RYR2: variants seen among roughly 807,000 people sequenced by gnomAD.
RYR2 encodes ryanodine receptor 2, also known as cardiac muscle ryanodine receptor-calcium release channel.
Under a neutral mutation model 601.1 loss-of-function variants are expected in RYR2, and 227 were observed. That is an observed-to-expected ratio of 0.38 (90% CI 0.34 to 0.42). RYR2 has a LOEUF of 0.42. RYR2 is among the 10% of genes least tolerant of loss of function. The probability of loss-of-function intolerance (pLI) is 1.00; values close to 1 mark genes in which losing one functional copy is unlikely to be tolerated. For missense variants in RYR2, 4,646 were observed against 6,156.5 expected (o/e 0.75, Z 8.21); for synonymous variants, 2,223 against 2,175.1 (o/e 1.02, Z -0.61).
intron 17 of RYR2, among the ~76,000 whole-genome samples, chr1:237,479,090 G>T (rs958229190): frequency 6.6e-6 from 1 of 152,176 alleles, no homozygotes; most frequent in Non-Finnish European, 1.5e-5. Flanking sequence ...TGCAGGCTTA[G>T]TGGCGAATGA....
intron 40 of RYR2, 124 bp from the exon 41 acceptor site, chr1:237,627,683 A>C (rs1679822149): frequency 1.1e-6 from 1 of 937,416 alleles, no homozygotes; most frequent in East Asian, 2.7e-5. Context: ...GAATATCTAG[A>C]GCCTTTTCAA....
intron 35 of RYR2, among the ~76,000 whole-genome samples, chr1:237,603,140 C>A (rs79373028): frequency 0.21 from 31,508 of 152,074 alleles, 3,854 homozygotes; most frequent in South Asian, 0.38. Context: ...AGCCAAATGC[C>A]TAGTCATCTA....
chr1:237,608,513 C>T (rs1677408777), intron 35 of RYR2, among the ~76,000 whole-genome samples: 1 of 152,190 alleles, frequency 6.6e-6, no homozygotes, highest in South Asian at 2.1e-4. Context: ...GCTTGGGCAA[C>T]ATAGTGAGAC....
intron 36 of RYR2, among the ~76,000 whole-genome samples, chr1:237,611,490 G>C (rs1001748569): frequency 2.0e-5 from 3 of 152,124 alleles, no homozygotes; most frequent in African/African-American, 7.2e-5. Context: ...ATGCATTCTA[G>C]GCAGTAATAA....
chr1:237,460,341 A>G (rs1156789412), intron 16 of RYR2, among the ~76,000 whole-genome samples: 2 of 152,168 alleles, frequency 1.3e-5, no homozygotes, highest in Non-Finnish European at 2.9e-5. Context: ...AAGAGTAGGG[A>G]AATTTTACCA....
chr1:237,370,727 C>G (rs977006984), intron 6 of RYR2, among the ~76,000 whole-genome samples: 28 of 146,790 alleles, frequency 1.9e-4, no homozygotes, highest in African/African-American at 6.6e-4. Context: ...GTGGCGCGAT[C>G]TCGGCTCACT....
At chr1:237,212,771 GTTA>G (rs35584787) in intron 1 of RYR2, among the ~76,000 whole-genome samples, 4 of 151,308 alleles carry the variant, frequency 2.6e-5, no homozygotes, top group Admixed American at 6.6e-5. Flanking sequence ...ACCATGATTG[GTTA>G]TTATTATTAT....
At chr1:237,509,230 G>T (rs545621027) in intron 23 of RYR2, among the ~76,000 whole-genome samples, 1 of 152,134 alleles carries the variant, frequency 6.6e-6, no homozygotes, top group African/African-American at 2.4e-5. Flanking sequence ...GGTGCAGGAG[G>T]TGTTCTCTCA....
At chr1:237,674,953 A>G (rs1473167495) in intron 60 of RYR2, 107 bp downstream of exon 60, 1 of 560,958 alleles carries the variant, frequency 1.8e-6, no homozygotes. Context: ...GTGATGGTAT[A>G]AACCCATCTA....
intron 88 of RYR2, 92 bp downstream of exon 88, chr1:237,778,862 T>G (rs981864803): frequency 7.9e-6 from 5 of 633,726 alleles, no homozygotes; most frequent in Non-Finnish European, 1.5e-5. Context: ...TGTTAGAATA[T>G]TATCTTTTTA....
chr1:237,585,073 C>A (rs765187837), intron 29 of RYR2, among the ~76,000 whole-genome samples: 1 of 152,052 alleles, frequency 6.6e-6, no homozygotes, highest in Non-Finnish European at 1.5e-5. Context: ...AACACCACCA[C>A]GCTTGTTTGT....
At chr1:237,214,756 C>G (rs1257514422) in intron 1 of RYR2, among the ~76,000 whole-genome samples, 1 of 152,150 alleles carries the variant, frequency 6.6e-6, no homozygotes, top group African/African-American at 2.4e-5. Flanking sequence ...CAATCCATTT[C>G]TCTTTATAAT....
At position 237,784,099 on chromosome 1, in the gene RYR2, C is replaced by G; in HGVS notation, c.12387C>G (p.Phe4129Leu). 6.2e-7 allele frequency: 1 copy of G among 1,614,008 alleles called. No homozygotes were observed. Among genetic ancestry groups the G allele is most frequent in the Non-Finnish European group, 8.5e-7 (1 of 1,179,900 alleles). The change falls in exon 90 of 105, where the codon TTC becomes TTG. Residue 4129 changes from phenylalanine to leucine, a missense_variant. By Grantham distance (22) the Phe-to-Leu change is conservative. Around this residue, in one of 17 missense-constraint regions of RYR2, gnomAD observed 70 missense variants for 164.6 expected, o/e 0.43. Coordinates refer to ENST00000366574, the MANE Select transcript of RYR2 (RefSeq NM_001035.3). The surrounding 1 kb of genome is among the most constrained non-coding windows in gnomAD (Gnocchi z 7.1). ...TAGCAGAGAGCGTCCTGAATTATTT[C>G]CAGCCCTTTCTGGGCCGCATCGAAA... ...LELAESVLNY[F>L]QPFLGRIEIM...
chr1:237,639,121 A>G lies in RYR2; in HGVS notation c.7035A>G (p.Ala2345=). The G allele has an allele frequency of 6.2e-7, 1 of 1,613,930 alleles. No individual in the cohort carries two copies. Among genetic ancestry groups the G allele is most frequent in the Non-Finnish European group, 8.5e-7 (1 of 1,179,880 alleles). ...GAGAAGGTGGGAATGGGCTTCTTGCAGCAATGGAAGAAGCCATCAAAATCG... is the reference window on the plus strand; with the variant it reads ...GAGAAGGTGGGAATGGGCTTCTTGCGGCAATGGAAGAAGCCATCAAAATCG... ...LRGEGGNGLL[A]AMEEAIKIAE... is the part of the protein sequence containing the mutation. Residue 2345 remains alanine, a synonymous_variant, in exon 46 of 105, where the codon GCA becomes GCG. Coordinates refer to ENST00000366574, the MANE Select transcript of RYR2 (RefSeq NM_001035.3).
chr1:237,816,797 T>G (rs1661892861), intron 100 of RYR2, among the ~76,000 whole-genome samples: 1 of 152,172 alleles, frequency 6.6e-6, no homozygotes, highest in Admixed American at 6.5e-5. Flanking sequence ...GAAAATAGTT[T>G]CCCCTTCTCA....
At chr1:237,406,200 CTCCCCTCCCT>C (rs1703872505) in intron 10 of RYR2, among the ~76,000 whole-genome samples, 1 of 80,660 alleles carries the variant, frequency 1.2e-5, no homozygotes, top group African/African-American at 5.1e-5. Context: ...CTTCCCTTCC[CTCCCCTCCCT>C]TCCCCTCCCC....
At chr1:237,186,199 T>A (rs1007330889) in intron 1 of RYR2, among the ~76,000 whole-genome samples, 4 of 152,204 alleles carry the variant, frequency 2.6e-5, no homozygotes, top group African/African-American at 7.2e-5. Flanking sequence ...TTTCTCTCTC[T>A]CTTTCTCTTT....
intron 16 of RYR2, among the ~76,000 whole-genome samples, chr1:237,457,673 C>T (rs1658998699): frequency 6.6e-6 from 1 of 152,156 alleles, no homozygotes; most frequent in South Asian, 2.1e-4. Context: ...GCCTGCCTGG[C>T]CTTTGCTGTG....
At chr1:237,446,039 T>C (rs910236522) in intron 14 of RYR2, among the ~76,000 whole-genome samples, 1 of 152,062 alleles carries the variant, frequency 6.6e-6, no homozygotes, top group Non-Finnish European at 1.5e-5. Flanking sequence ...ATGAACTCGA[T>C]CTCTTGACCT....
Sources: gnomAD v4.1 joint callset for allele counts (sites outside exome capture counted in the v4.1 genomes callset) on GRCh38, gnomAD v4.1.1 for gene constraint, gnomAD v4.1.1 regional missense constraint, Gnocchi (gnomAD v3.1) non-coding constraint, MANE v1.5 for transcripts, NCBI Gene and HGNC (gene_info 2026-07-23, HGNC 2026-07-21) for gene names.